The following SLC8A1 variants were observed in gnomAD, a reference collection of about 807,000 sequenced individuals.
SLC8A1 encodes sodium/calcium exchanger 1.
SLC8A1 carries 18 observed loss-of-function variants against 68.3 expected under a neutral mutation model. That is an observed-to-expected ratio of 0.26 (90% CI 0.18 to 0.39). The LOEUF (loss-of-function observed/expected upper bound fraction) is 0.39, where lower values mean the gene tolerates loss of function less well. Among genes scored for constraint, SLC8A1 ranks in the 10% least tolerant of loss-of-function variants. The probability of loss-of-function intolerance (pLI) is 1.00; values close to 1 mark genes in which losing one functional copy is unlikely to be tolerated. For missense variants in SLC8A1, 985 were observed against 1,156.7 expected (o/e 0.85, Z 2.15); for synonymous variants, 475 against 415.5 (o/e 1.14, Z -1.74).
chr2:40,162,926 A>T (rs940709867), intron 5 of SLC8A1, among the ~76,000 whole-genome samples: 4 of 152,130 alleles, frequency 2.6e-5, no homozygotes, highest in Non-Finnish European at 2.9e-5. Flanking sequence ...CAGTTCTGGG[A>T]GCTCTGAGTA....
chr2:40,115,217 T>C lies in SLC8A1; in HGVS notation c.*36A>G, dbSNP rs1189362858. 13 of 1,396,074 alleles carry C rather than the reference T, an allele frequency of 9.3e-6. No individual in the cohort carries two copies. In the East Asian group the frequency reaches 2.0e-4, roughly 22 times the overall value. 86.5% of individuals were successfully genotyped at this position (1,396,074 alleles called of 1,614,324 possible). A position where few individuals can be genotyped will look rare whatever the true frequency, so the allele number is the denominator to read the frequency against. The stretch of plus-strand genomic sequence containing the variant: ...TATACATAATTTTTATGTATATATA[T>C]GTATATATATAAATTTACTATATCT... On this transcript the variant is annotated 3_prime_UTR_variant, in exon 8 of 8. Transcript: ENST00000406785.
At chr2:40,386,429 A>C (rs1287405842) in intron 2 of SLC8A1, among the ~76,000 whole-genome samples, 1 of 151,038 alleles carries the variant, frequency 6.6e-6, no homozygotes, top group East Asian at 1.9e-4. Flanking sequence ...TCTGAGAAAT[A>C]ATATGAGGCT....
At chr2:40,303,098 A>G (rs933020427) in intron 2 of SLC8A1, among the ~76,000 whole-genome samples, 1 of 152,202 alleles carries the variant, frequency 6.6e-6, no homozygotes, top group Non-Finnish European at 1.5e-5. Flanking sequence ...CAGTTACTAC[A>G]CACTGCCAAA....
chr2:40,122,355 G>C (rs1313648617), intron 7 of SLC8A1, among the ~76,000 whole-genome samples: 1 of 152,056 alleles, frequency 6.6e-6, no homozygotes, highest in African/African-American at 2.4e-5. Context: ...AGGTAGATGA[G>C]GAGTTGAAAA....
chr2:40,218,818 G>T (rs1454609591), intron 2 of SLC8A1, among the ~76,000 whole-genome samples: 3 of 152,092 alleles, frequency 2.0e-5, no homozygotes, highest in Non-Finnish European at 4.4e-5. Flanking sequence ...CTCTATCGTT[G>T]GATGAAAAAT....
intron 2 of SLC8A1, among the ~76,000 whole-genome samples, chr2:40,405,060 T>G (rs973139733): frequency 6.6e-6 from 1 of 152,152 alleles, no homozygotes; most frequent in Non-Finnish European, 1.5e-5. Flanking sequence ...CCCAGCCCCA[T>G]AGGATGTAAT....
intron 2 of SLC8A1, among the ~76,000 whole-genome samples, chr2:40,356,375 C>T (rs991164118): frequency 6.6e-6 from 1 of 151,990 alleles, no homozygotes; most frequent in Non-Finnish European, 1.5e-5. Flanking sequence ...TCTCAAAGAC[C>T]ACAGAGAATC....
At chr2:40,432,495 G>C (rs1174904846) in intron 1 of SLC8A1, among the ~76,000 whole-genome samples, 3 of 146,736 alleles carry the variant, frequency 2.0e-5, no homozygotes, top group Non-Finnish European at 3.0e-5. Context: ...TCTCTGATAA[G>C]GTAACACTTG....
rs1158543531 is a variant in SLC8A1, at chr2:40,318,644, GCTGT to G, written c.1808+109825_1808+109828del. Reference sequence around the variant, plus strand: ...GTGCCCCCTATAAATGTAGACCGTTGCTGTCTAAGTAGAACCTAGAGATATTTTA... The same window carrying G: ...GTGCCCCCTATAAATGTAGACCGTTGCTAAGTAGAACCTAGAGATATTTTA... On this transcript the variant is annotated intron_variant, in intron 2 of 7. Coordinates refer to ENST00000406785, the Ensembl canonical transcript of SLC8A1. Among the ~76,000 whole-genome samples, 4 of 152,002 alleles carry G rather than the reference GCTGT, an allele frequency of 2.6e-5. No homozygotes were observed. The South Asian group carries it at 6.2e-4, about 24-fold the overall frequency.
rs532661460 is a variant in SLC8A1, at chr2:40,447,725, G to C, written c.-25+4179C>G. ...TTTATTCAAATGAATGGTTCTAATTGTGAAAGTTTCAGATACTATTTTGCC... is the reference window on the plus strand; with the variant it reads ...TTTATTCAAATGAATGGTTCTAATTCTGAAAGTTTCAGATACTATTTTGCC... On this transcript the variant is annotated intron_variant, in intron 1 of 7. Coordinates refer to ENST00000406785, the Ensembl canonical transcript of SLC8A1. Among the ~76,000 whole-genome samples the C allele has an allele frequency of 2.2e-4, 34 of 152,064 alleles. No individual in the cohort carries two copies. In the South Asian group the frequency reaches 2.3e-3, roughly 10 times the overall value.
intron 1 of SLC8A1, among the ~76,000 whole-genome samples, chr2:40,449,243 T>C (rs1702003777): frequency 1.3e-5 from 2 of 151,948 alleles, no homozygotes; most frequent in East Asian, 1.9e-4. Context: ...ACCACATCTA[T>C]GAGCTAAATG....
intron 2 of SLC8A1, among the ~76,000 whole-genome samples, chr2:40,330,285 T>TG (rs78547072): frequency 0.23 from 34,966 of 152,068 alleles, 4,740 homozygotes; most frequent in East Asian, 0.38. Flanking sequence ...CACATTAAAA[T>TG]GATGAGGATA....
chr2:40,404,237 G>T (rs1689642374), intron 2 of SLC8A1, among the ~76,000 whole-genome samples: 1 of 152,060 alleles, frequency 6.6e-6, no homozygotes, highest in African/African-American at 2.4e-5. Flanking sequence ...CAACTTTAAT[G>T]GAAGAAAGGC....
intron 2 of SLC8A1, among the ~76,000 whole-genome samples, chr2:40,359,865 T>C (rs1296584074): frequency 6.6e-6 from 1 of 151,602 alleles, no homozygotes; most frequent in East Asian, 1.9e-4. Context: ...TAGGCTTCAT[T>C]AAAAATCAAC....
intron 2 of SLC8A1, among the ~76,000 whole-genome samples, chr2:40,239,974 C>T (rs568344531): frequency 4.6e-4 from 70 of 152,224 alleles, no homozygotes; most frequent in African/African-American, 9.4e-4. Flanking sequence ...TTCTGTAATC[C>T]GAAGTCATGT....
intron 2 of SLC8A1, among the ~76,000 whole-genome samples, chr2:40,328,904 A>G (rs1359805022): frequency 6.6e-6 from 1 of 152,090 alleles, no homozygotes; most frequent in Non-Finnish European, 1.5e-5. Context: ...GCCTTTTAAG[A>G]GCACAGAGTA....
At chr2:40,485,255 G>T (rs1177688843) in intron 1 of SLC8A1, among the ~76,000 whole-genome samples, 2 of 152,068 alleles carry the variant, frequency 1.3e-5, no homozygotes, top group Non-Finnish European at 2.9e-5. Context: ...ATATGGAACC[G>T]GACATTCTGC....
At chr2:40,496,109 T>G (rs1705683377) in intron 1 of SLC8A1, among the ~76,000 whole-genome samples, 1 of 152,088 alleles carries the variant, frequency 6.6e-6, no homozygotes, top group African/African-American at 2.4e-5. Flanking sequence ...CAGGAAACAT[T>G]TTGACTCTAA....
intron 2 of SLC8A1, among the ~76,000 whole-genome samples, chr2:40,361,707 G>C (rs1674678090): frequency 6.6e-6 from 1 of 151,814 alleles, no homozygotes; most frequent in Admixed American, 6.6e-5. Context: ...AACACACGGA[G>C]GTAGACCAAA....
Sources: allele counts gnomAD v4.1 joint callset (sites outside exome capture counted in the v4.1 genomes callset), GRCh38; gene constraint gnomAD v4.1.1; transcripts MANE v1.5; gene names NCBI Gene and HGNC (gene_info 2026-07-23, HGNC 2026-07-21).